Variants in POLA1 observed in about 807,000 individuals in gnomAD.
POLA1 encodes the protein DNA polymerase alpha catalytic subunit.
Under a neutral mutation model 124.0 loss-of-function variants are expected in POLA1, and 15 were observed. That is an observed-to-expected ratio of 0.12 (90% confidence interval 0.08 to 0.19). The LOEUF is 0.19. Ranked by LOEUF, POLA1 falls within the 10% of genes least tolerant of loss-of-function variation. The pLI is 1.00. For missense variants in POLA1, 886 were observed against 1,103.4 expected (o/e 0.80, Z 2.79); for synonymous variants, 408 against 389.4 (o/e 1.05, Z -0.56).
At chrX:24,788,718 G>A (rs766612083) in intron 26 of POLA1, 56 of 1,203,011 alleles carry the variant, frequency 4.7e-5, no homozygotes, top group Non-Finnish European at 6.1e-5. Context: ...TCTTCCCTTA[G>A]CCTCTTTGCT....
chrX:24,807,750 AAC>A (rs1156285202), intron 26 of POLA1, among the ~76,000 whole-genome samples: 1 of 111,356 alleles, frequency 9.0e-6, no homozygotes, highest in Non-Finnish European at 1.9e-5. Flanking sequence ...AAATAATTCA[AAC>A]ACAGATGAGA....
rs1029217642 is a variant in POLA1, at chrX:24,978,052, A to G, written c.4262-17753A>G. On this transcript the variant is annotated intron_variant, in intron 36 of 36. Transcript: ENST00000379068. ...TTTTGCTGCCAGCACCTCCACTACTATTTTCCTCTTTCTTGGAGTTTCTTT... is the reference window on the plus strand; with the variant it reads ...TTTTGCTGCCAGCACCTCCACTACTGTTTTCCTCTTTCTTGGAGTTTCTTT... 5.4e-5 allele frequency among the ~76,000 whole-genome samples: 6 copies of G among 111,365 alleles called. No homozygotes were observed. The East Asian group carries it at 1.1e-3, about 21-fold the overall frequency.
At chrX:24,738,434 T>C (rs1427151146) in intron 19 of POLA1, among the ~76,000 whole-genome samples, 2 of 110,808 alleles carry the variant, frequency 1.8e-5, no homozygotes, top group Admixed American at 1.9e-4. Context: ...GGAGTTGATG[T>C]TGGTTGTATA....
intron 34 of POLA1, among the ~76,000 whole-genome samples, chrX:24,867,843 C>T (rs1022858670): frequency 6.3e-5 from 7 of 111,581 alleles, no homozygotes; most frequent in African/African-American, 1.6e-4. Context: ...TCACCTGCCT[C>T]GTGTAGGGAA....
chrX:24,737,817 T>C (rs1384672996), intron 19 of POLA1, 76 bp downstream of exon 19: 2 of 460,076 alleles, frequency 4.3e-6, no homozygotes, highest in Non-Finnish European at 7.4e-6. Flanking sequence ...CACTATACTT[T>C]TTAAAACAGG....
At chrX:24,842,892 T>A (rs943503315) in intron 33 of POLA1, among the ~76,000 whole-genome samples, 1 of 111,937 alleles carries the variant, frequency 8.9e-6, no homozygotes, top group African/African-American at 3.2e-5. Flanking sequence ...TATATTACAT[T>A]TGCCTTGTCT....
intron 26 of POLA1, among the ~76,000 whole-genome samples, chrX:24,787,265 CAT>C (rs916219269): frequency 3.6e-5 from 4 of 111,638 alleles, no homozygotes; most frequent in African/African-American, 1.3e-4. Flanking sequence ...CTTTTGGTGT[CAT>C]ATCTAAAAAA....
chrX:24,941,235 C>G (rs994919477), intron 36 of POLA1, among the ~76,000 whole-genome samples: 4 of 110,513 alleles, frequency 3.6e-5, no homozygotes, highest in Non-Finnish European at 7.6e-5. Flanking sequence ...TTTTTTTTTA[C>G]TAGTGCTTGT....
chrX:24,778,370 A>G (rs754647394), intron 26 of POLA1, among the ~76,000 whole-genome samples: 1 of 111,141 alleles, frequency 9.0e-6, no homozygotes, highest in Non-Finnish European at 1.9e-5. Context: ...AGCTGGGACT[A>G]CAGGCGCCCG....
intron 36 of POLA1, among the ~76,000 whole-genome samples, chrX:24,990,479 T>G (rs771032265): frequency 1.8e-5 from 2 of 112,480 alleles, no homozygotes; most frequent in Non-Finnish European, 3.7e-5. Flanking sequence ...TGAAATCCAC[T>G]GGTACAATTG....
At chrX:24,921,384 A>G (rs2047614017) in intron 35 of POLA1, among the ~76,000 whole-genome samples, 1 of 112,587 alleles carries the variant, frequency 8.9e-6, no homozygotes, top group South Asian at 3.7e-4. Flanking sequence ...ATTAAAAATT[A>G]TAGAAAGACA....
At chrX:24,725,845 G>A in intron 12 of POLA1, 136 bp from the exon 13 acceptor site, 3 of 432,358 alleles carry the variant, frequency 6.9e-6, no homozygotes, top group Middle Eastern at 1.3e-3. Context: ...AAAGAGGAAA[G>A]GGTACCTTTT....
At chrX:24,963,554 C>T (rs923081212) in intron 36 of POLA1, among the ~76,000 whole-genome samples, 1 of 111,602 alleles carries the variant, frequency 9.0e-6, no homozygotes, top group Non-Finnish European at 1.9e-5. Flanking sequence ...TTCAGCATTT[C>T]TCAAAGAGAT....
At chrX:24,907,562 G>A (rs1464497138) in intron 35 of POLA1, among the ~76,000 whole-genome samples, 1 of 111,929 alleles carries the variant, frequency 8.9e-6, no homozygotes, top group African/African-American at 3.3e-5. Context: ...AGAAACCCTG[G>A]AGCCAGAGGA....
At chrX:24,713,540 C>G (rs752666767) in intron 4 of POLA1, among the ~76,000 whole-genome samples, 21 of 111,364 alleles carry the variant, frequency 1.9e-4, no homozygotes, top group Non-Finnish European at 3.4e-4. Flanking sequence ...CTCAGCCTCT[C>G]GAGTAGCTGG....
intron 35 of POLA1, among the ~76,000 whole-genome samples, chrX:24,929,094 AG>A (rs2047735667): frequency 8.9e-6 from 1 of 112,085 alleles, no homozygotes. Context: ...AGAAAGGTGA[AG>A]TGTGAGCTCT....
rs186348149 is a variant in POLA1, at chrX:24,956,533, C to T, written c.4261+25984C>T. On this transcript the variant is annotated intron_variant, in intron 36 of 36. Coordinates refer to ENST00000379068, the MANE Select transcript of POLA1 (RefSeq NM_001330360.2). Reference sequence around the variant, plus strand: ...ATTAGTATTCCCGGGGTAACAAAGACTCCCTGACCAAAGAAGTTTAGAAAA... The same window carrying T: ...ATTAGTATTCCCGGGGTAACAAAGATTCCCTGACCAAAGAAGTTTAGAAAA... 2.6e-3 allele frequency among the ~76,000 whole-genome samples: 283 copies of T among 110,263 alleles called. 1 individual carries two copies. The highest frequency in any genetic ancestry group is 4.2e-3 in the Non-Finnish European group (223 of 52,799).
intron 35 of POLA1, among the ~76,000 whole-genome samples, chrX:24,902,184 G>A (rs991288824): frequency 8.9e-6 from 1 of 112,135 alleles, no homozygotes; most frequent in Non-Finnish European, 1.9e-5. Flanking sequence ...ATGTAAACAT[G>A]TACATAAGTA....
intron 26 of POLA1, among the ~76,000 whole-genome samples, chrX:24,766,553 T>G (rs1012784085): frequency 8.9e-6 from 1 of 111,941 alleles, no homozygotes. Flanking sequence ...GGTGATTAGG[T>G]AAACCTGGCA....
Sources: allele counts gnomAD v4.1 joint callset (sites outside exome capture counted in the v4.1 genomes callset), GRCh38; gene constraint gnomAD v4.1.1; transcripts MANE v1.5; gene names NCBI Gene and HGNC (gene_info 2026-07-23, HGNC 2026-07-21).